Variants in NTM observed in about 807,000 individuals in gnomAD.
The protein encoded by NTM is IgLON family member 2.
In NTM, 13 loss-of-function variants were observed where a neutral mutation model predicts 42.1. The ratio of observed to expected loss-of-function variants is 0.31; its 90% confidence interval spans 0.20 to 0.49. The LOEUF is 0.49. Ranked by LOEUF, NTM falls within the 20% of genes least tolerant of loss-of-function variation. The probability of loss-of-function intolerance (pLI) is 0.99; values close to 1 mark genes in which losing one functional copy is unlikely to be tolerated. For missense variants in NTM, 373 were observed against 452.8 expected (o/e 0.82, Z 1.60); for synonymous variants, 187 against 179.2 (o/e 1.04, Z -0.35).
chr11:132,322,362 A>C (rs1450732074), intron 7 of NTM, among the ~76,000 whole-genome samples: 2 of 150,496 alleles, frequency 1.3e-5, no homozygotes, highest in East Asian at 3.9e-4. Context: ...AAAGAAAAAA[A>C]GGCAGGGGTT....
At chr11:131,580,880 C>G (rs1481202495) in intron 1 of NTM, among the ~76,000 whole-genome samples, 1 of 152,138 alleles carries the variant, frequency 6.6e-6, no homozygotes, top group African/African-American at 2.4e-5. Flanking sequence ...TCCCAGGAAC[C>G]ACAGTCGCAG....
intron 2 of NTM, among the ~76,000 whole-genome samples, chr11:132,062,295 G>T (rs2080810733): frequency 6.6e-6 from 1 of 152,082 alleles, no homozygotes; most frequent in Non-Finnish European, 1.5e-5. Context: ...AAGTGAGGGG[G>T]CTAATCATGC....
At position 132,126,399 on chromosome 11, in the gene NTM, C is replaced by T. The variant is rs7945297; in HGVS notation, c.168-19883C>T. Among the ~76,000 whole-genome samples the T allele has an allele frequency of 6.1e-3, 929 of 152,142 alleles. 9 individuals carry two copies. The highest frequency in any genetic ancestry group is 0.021 in the African/African-American group (874 of 41,504). ...TTCCTTCTACTTTTTTTCCTTCCATCACCCCCTTCTTTTCTGTGATAAGTG... is the reference window on the plus strand; with the variant it reads ...TTCCTTCTACTTTTTTTCCTTCCATTACCCCCTTCTTTTCTGTGATAAGTG... On this transcript the variant is annotated intron_variant, in intron 2 of 8. Coordinates refer to ENST00000683400, the MANE Select transcript of NTM (RefSeq NM_001352005.2).
intron 1 of NTM, among the ~76,000 whole-genome samples, chr11:131,408,008 T>G (rs1217989823): frequency 1.3e-5 from 2 of 152,240 alleles, no homozygotes; most frequent in Non-Finnish European, 2.9e-5. Context: ...GACTTCTTAT[T>G]GAATTATGCA....
At chr11:131,455,991 AAG>A (rs1370720603) in intron 1 of NTM, among the ~76,000 whole-genome samples, 1 of 152,234 alleles carries the variant, frequency 6.6e-6, no homozygotes, top group Non-Finnish European at 1.5e-5. Flanking sequence ...ATTGTTCTGA[AAG>A]AAAGTTCATT....
chr11:132,319,111 G>A (rs1452257596), intron 7 of NTM, among the ~76,000 whole-genome samples: 1 of 152,208 alleles, frequency 6.6e-6, no homozygotes, highest in Non-Finnish European at 1.5e-5. Flanking sequence ...GTAAAATAGA[G>A]AGCAGTAGAA....
chr11:132,137,055 C>G (rs2068067232), intron 2 of NTM, among the ~76,000 whole-genome samples: 1 of 152,202 alleles, frequency 6.6e-6, no homozygotes, highest in Admixed American at 6.5e-5. Flanking sequence ...CTGGTTTAAT[C>G]AGTGTAATCG....
intron 2 of NTM, among the ~76,000 whole-genome samples, chr11:132,036,532 G>A (rs1042008724): frequency 6.6e-6 from 1 of 152,148 alleles, no homozygotes; most frequent in Non-Finnish European, 1.5e-5. Flanking sequence ...GTGTAATTCA[G>A]TATCAGGGAG....
intron 1 of NTM, among the ~76,000 whole-genome samples, chr11:131,745,004 C>T (rs1367619111): frequency 6.6e-6 from 1 of 152,192 alleles, no homozygotes; most frequent in African/African-American, 2.4e-5. Flanking sequence ...GACAGAGCTG[C>T]AAATGGTGAT....
At chr11:132,161,142 A>G (rs935303405) in intron 3 of NTM, among the ~76,000 whole-genome samples, 3 of 151,992 alleles carry the variant, frequency 2.0e-5, no homozygotes, top group African/African-American at 7.2e-5. Context: ...AGGGCTCCTC[A>G]GCGGAGGTGA....
chr11:131,666,537 A>G (rs1343972932), intron 1 of NTM, among the ~76,000 whole-genome samples: 1 of 152,078 alleles, frequency 6.6e-6, no homozygotes, highest in Non-Finnish European at 1.5e-5. Flanking sequence ...ACCACCCCTC[A>G]CAGAACAGAG....
chr11:131,818,466 GA>G (rs1319686050), intron 1 of NTM, among the ~76,000 whole-genome samples: 1 of 152,114 alleles, frequency 6.6e-6, no homozygotes, highest in Admixed American at 6.5e-5. Context: ...AGAATCCATG[GA>G]TTTGTATAGC....
At chr11:132,330,571 ATCTC>A (rs1487065550) in intron 8 of NTM, among the ~76,000 whole-genome samples, 2 of 152,028 alleles carry the variant, frequency 1.3e-5, no homozygotes, top group Non-Finnish European at 2.9e-5. Context: ...CATTCTTTCT[ATCTC>A]TCTAACTTGG....
chr11:131,685,829 C>A (rs11222742), intron 1 of NTM, among the ~76,000 whole-genome samples: 1 of 152,208 alleles, frequency 6.6e-6, no homozygotes, highest in South Asian at 2.1e-4. Context: ...CCCATAGTGT[C>A]TAGAATATCG....
intron 1 of NTM, among the ~76,000 whole-genome samples, chr11:131,714,241 TAC>T (rs1189605384): frequency 6.6e-6 from 1 of 152,022 alleles, no homozygotes; most frequent in African/African-American, 2.4e-5. Context: ...CAGGCTAGAG[TAC>T]AGTGGCGTGA....
intron 1 of NTM, among the ~76,000 whole-genome samples, chr11:131,726,759 G>A (rs999367855): frequency 2.6e-5 from 4 of 151,202 alleles, no homozygotes; most frequent in South Asian, 2.1e-4. Context: ...GGTCATCAAG[G>A]CTGGAGTGCA....
At chr11:132,262,553 G>T (rs1429393885) in intron 4 of NTM, among the ~76,000 whole-genome samples, 1 of 152,134 alleles carries the variant, frequency 6.6e-6, no homozygotes, top group Admixed American at 6.5e-5. Context: ...ATGGCAGGGG[G>T]AGAGAGAGAA....
At chr11:131,447,561 G>T (rs542141606) in intron 1 of NTM, among the ~76,000 whole-genome samples, 3 of 152,240 alleles carry the variant, frequency 2.0e-5, no homozygotes, top group African/African-American at 7.2e-5. Flanking sequence ...GGAGAGGGAG[G>T]GAGTGAGAAT....
intron 2 of NTM, among the ~76,000 whole-genome samples, chr11:131,939,027 G>A (rs920567962): frequency 1.3e-5 from 2 of 152,194 alleles, no homozygotes; most frequent in Non-Finnish European, 2.9e-5. Context: ...CAAAGCTCGG[G>A]AAAGAGATGA....
Sources: gnomAD v4.1 joint callset for allele counts (sites outside exome capture counted in the v4.1 genomes callset) on GRCh38, gnomAD v4.1.1 for gene constraint, MANE v1.5 for transcripts, NCBI Gene and HGNC (gene_info 2026-07-23, HGNC 2026-07-21) for gene names.